NECAB2: variants seen among roughly 807,000 people sequenced by gnomAD.
NECAB2 encodes N-terminal EF-hand calcium-binding protein 2.
NECAB2 carries 68 observed loss-of-function variants against 51.9 expected under a neutral mutation model. The observed-to-expected ratio is 1.31, with a 90% CI of 1.08 to 1.60. NECAB2 has a LOEUF of 1.60. NECAB2 is among the 40% of genes most tolerant of loss of function. The pLI is 0.00. For missense variants in NECAB2, 854 were observed against 490.3 expected (o/e 1.74, Z -7.00); for synonymous variants, 329 against 203.5 (o/e 1.62, Z -5.25).
chr16:83,976,787 G>A (rs1688401694), intron 2 of NECAB2, among the ~76,000 whole-genome samples: 1 of 152,188 alleles, frequency 6.6e-6, no homozygotes, highest in African/African-American at 2.4e-5. Flanking sequence ...TGCTCTATGG[G>A]GTTAAAGAGA....
At chr16:83,989,535 C>A (rs929948212) in intron 5 of NECAB2, among the ~76,000 whole-genome samples, 1 of 152,148 alleles carries the variant, frequency 6.6e-6, no homozygotes, top group African/African-American at 2.4e-5. Context: ...GGGCAGAAAT[C>A]CAAGGTGCCT....
chr16:83,970,420 A>G (rs935300672), intron 1 of NECAB2, among the ~76,000 whole-genome samples: 1 of 151,992 alleles, frequency 6.6e-6, no homozygotes, highest in Admixed American at 6.6e-5. Context: ...CCCAGGCTGG[A>G]TCTTTGAGGA....
intron 2 of NECAB2, among the ~76,000 whole-genome samples, chr16:83,976,333 C>T (rs1387485353): frequency 6.6e-6 from 1 of 152,198 alleles, no homozygotes; most frequent in African/African-American, 2.4e-5. Flanking sequence ...TAGGCAAGTA[C>T]CCTAAGGGCT....
chr16:83,982,790 G>GT (rs2084505527), intron 5 of NECAB2, among the ~76,000 whole-genome samples: 3 of 152,024 alleles, frequency 2.0e-5, no homozygotes, highest in Admixed American at 6.6e-5. Context: ...GTCTTTGGTG[G>GT]TTTTTTTGTG....
At position 83,998,309 on chromosome 16, in the gene NECAB2, C is replaced by T. The variant is rs768987580; in HGVS notation, c.954C>T (p.Asn318=). 1 of 1,613,310 alleles carries T rather than the reference C, an allele frequency of 6.2e-7. No homozygotes were observed. The highest frequency in any genetic ancestry group is 8.5e-7 in the Non-Finnish European group (1 of 1,179,952). ...QYLRGTTGVR[N]CFHITAVRLS... ...TGCGGGGGACCACTGGCGTGAGGAA[C>T]TGCTTCCAGTGAGTGAGCTGCCGAG... Residue 318 remains asparagine (N), a synonymous_variant, in exon 10 of 13, where the codon AAC becomes AAT. Transcript: ENST00000305202.
Position 83,981,092 on chromosome 16 carries a change from C to T in NECAB2, c.424C>T (p.His142Tyr). 2 of 1,614,190 alleles carry T rather than the reference C, an allele frequency of 1.2e-6. No individual in the cohort carries two copies. Among genetic ancestry groups the T allele is most frequent in the Admixed American group, 1.7e-5 (1 of 60,030 alleles). Residue 142 changes from histidine to tyrosine, a missense_variant, in exon 5 of 13, where the codon CAC becomes TAC. Transcript: ENST00000305202. ...DVLASLETLNHSVLKAMGYTK... is the reference protein window; with the variant it reads ...DVLASLETLNYSVLKAMGYTK... ...CCTGGCCTCCCTGGAGACCTTGAATCACTCTGTCCTGAAGGCCATGGGTTA... is the reference window on the plus strand; with the variant it reads ...CCTGGCCTCCCTGGAGACCTTGAATTACTCTGTCCTGAAGGCCATGGGTTA...
chr16:83,998,597 A>C (rs954311547), intron 10 of NECAB2, among the ~76,000 whole-genome samples: 2 of 152,100 alleles, frequency 1.3e-5, no homozygotes, highest in African/African-American at 2.4e-5. Context: ...TGCATATACA[A>C]TCAAGTGTGT....
intron 5 of NECAB2, among the ~76,000 whole-genome samples, chr16:83,989,784 C>G (rs867682591): frequency 2.0e-5 from 3 of 152,230 alleles, no homozygotes; most frequent in Non-Finnish European, 2.9e-5. Flanking sequence ...GGTGGAAATT[C>G]TGTTCCACAC....
upstream of NECAB2, chr16:83,965,378 C>G: frequency 6.4e-7 from 1 of 1,573,182 alleles, no homozygotes; most frequent in Non-Finnish European, 8.6e-7. Context: ...CCACCATGAG[C>G]TGTCTGCCCT....
intron 2 of NECAB2, among the ~76,000 whole-genome samples, chr16:83,976,622 G>C (rs2084414442): frequency 6.6e-6 from 1 of 152,192 alleles, no homozygotes; most frequent in Admixed American, 6.5e-5. Flanking sequence ...GTGCATGTGT[G>C]GTTGGATTGG....
intron 5 of NECAB2, among the ~76,000 whole-genome samples, chr16:83,983,806 G>A (rs893107462): frequency 2.6e-5 from 4 of 152,134 alleles, no homozygotes; most frequent in African/African-American, 9.7e-5. Context: ...GGTTTTGAAT[G>A]TGTTCTGTGT....
chr16:83,968,558 G>C lies in NECAB2; in HGVS notation c.-91G>C. ...GCAGCGGGAGAGAGGGCGGGGCGGC[G>C]CGGGCAGCGCGGGGAGGGGGTCGCG... On this transcript the variant is annotated 5_prime_UTR_variant, in exon 1 of 13. Coordinates refer to ENST00000305202, the MANE Select transcript of NECAB2 (RefSeq NM_019065.3). The C allele has an allele frequency of 1.1e-6, 1 of 940,420 alleles. No individual in the cohort carries two copies. The highest frequency in any genetic ancestry group is 1.3e-6 in the Non-Finnish European group (1 of 791,948). 58.3% of individuals were successfully genotyped at this position (940,420 alleles called of 1,614,324 possible).
chr16:83,993,250 G>T (rs145464585), intron 6 of NECAB2, among the ~76,000 whole-genome samples: 4 of 152,162 alleles, frequency 2.6e-5, no homozygotes, highest in African/African-American at 9.7e-5. Context: ...TGAGCAACCC[G>T]TCATGGTCTG....
chr16:83,980,911 G>A, intron 4 of NECAB2, 47 bp downstream of exon 4: 1 of 1,613,302 alleles, frequency 6.2e-7, no homozygotes, highest in Non-Finnish European at 8.5e-7. Flanking sequence ...GCTGGGATGG[G>A]GCTGGATGAG....
At chr16:84,000,579 G>T (rs747413774) in intron 10 of NECAB2, 145 bp from the exon 11 acceptor site, 5 of 611,162 alleles carry the variant, frequency 8.2e-6, no homozygotes, top group African/African-American at 3.7e-5. Context: ...TCACCCTGTC[G>T]AGTCTCGATG....
In NECAB2 at chr16:83,968,713, A is replaced by T; in HGVS notation, c.65A>T (p.Gln22Leu). 1 of 1,012,400 alleles carries T rather than the reference A, an allele frequency of 9.9e-7. No individual in the cohort carries two copies. The highest frequency in any genetic ancestry group is 4.9e-4 in the Middle Eastern group (1 of 2,042). The allele number at this position is 1,012,400 out of a possible 1,614,324, so 62.7% of individuals were successfully genotyped here. ...CACAGGCTGCTCCGGGAGCCGCCGC[A>T]GCAGGGCCGGGCGCTGGGCGGGCTG... The part of the protein sequence containing the change: ...GAHRLLREPP[Q>L]QGRALGGLLR... The change falls in exon 1 of 13, where the codon CAG becomes CTG. Residue 22 changes from glutamine to leucine, a missense_variant. Transcript: ENST00000305202.
Position 83,994,361 on chromosome 16 carries a change from C to G in NECAB2, c.656C>G (p.Pro219Arg), listed in dbSNP as rs79514285. 6.2e-7 allele frequency: 1 copy of G among 1,614,178 alleles called. No homozygotes were observed. The change falls in exon 7 of 13, where the codon CCC becomes CGC. Residue 219 changes from proline (P) to arginine (R), a missense_variant. Physicochemically the swap from Pro to Arg is moderately radical, Grantham distance 103. Transcript: ENST00000305202. Reference sequence around the variant, plus strand: ...CAGACCTGGTGTGGAAGCCCCACTCCCGCCTCTGCCCCCAACCACAAGCTC... The same window carrying G: ...CAGACCTGGTGTGGAAGCCCCACTCGCGCCTCTGCCCCCAACCACAAGCTC... ...AAQTWCGSPTPASAPNHKLMA... is the reference protein window; with the variant it reads ...AAQTWCGSPTRASAPNHKLMA...
intron 3 of NECAB2, among the ~76,000 whole-genome samples, chr16:83,980,417 C>G (rs930959825): frequency 1.2e-4 from 18 of 152,140 alleles, no homozygotes; most frequent in Non-Finnish European, 2.2e-4. Context: ...ACAGGAAGGG[C>G]TCTGCCACAA....
At chr16:83,965,239 G>T (rs748717139), upstream of NECAB2, 60 of 1,612,296 alleles carry the variant, frequency 3.7e-5, no homozygotes, top group Non-Finnish European at 5.0e-5. Context: ...TCTTCCAGGT[G>T]AGCGGCTTCC....
Sources: allele counts gnomAD v4.1 joint callset (sites outside exome capture counted in the v4.1 genomes callset), GRCh38; gene constraint gnomAD v4.1.1; transcripts MANE v1.5; gene names NCBI Gene and HGNC (gene_info 2026-07-23, HGNC 2026-07-21).